The following ACSS1 variants were observed in gnomAD, a reference collection of about 807,000 sequenced individuals.
The protein encoded by ACSS1 is acyl-CoA synthetase short chain family member 1.
Under a neutral mutation model 75.3 loss-of-function variants are expected in ACSS1, and 42 were observed. That is an observed-to-expected ratio of 0.56 (90% confidence interval 0.44 to 0.72). The LOEUF is 0.72. Among genes scored for constraint, ACSS1 ranks in the 30% least tolerant of loss-of-function variants. The probability of loss-of-function intolerance (pLI) is 0.00; values close to 1 mark genes in which losing one functional copy is unlikely to be tolerated. For synonymous variants in ACSS1, 380 were observed against 376.8 expected (o/e 1.01, Z -0.10); for missense variants, 782 against 935.7 (o/e 0.84, Z 2.14).
chr20:25,012,950 G>A lies in ACSS1; in HGVS notation c.1580-11C>T, dbSNP rs201061909. On this transcript the variant is annotated splice_polypyrimidine_tract_variant and intron_variant, in intron 10 of 13. Transcript: ENST00000323482. ...CAGTGAAGTAATAGCCTGCACCACA[G>A]CAGGGAAATTCAGCACCAGGAACCC... 5.3e-4 allele frequency: 852 copies of A among 1,614,156 alleles called. No homozygotes were observed. The highest frequency in any genetic ancestry group is 6.2e-4 in the Non-Finnish European group (726 of 1,180,016).
At chr20:25,027,060 T>C (rs935110812) in intron 3 of ACSS1, among the ~76,000 whole-genome samples, 3 of 152,246 alleles carry the variant, frequency 2.0e-5, no homozygotes, top group African/African-American at 7.2e-5. Flanking sequence ...GCATCAACTA[T>C]GGCAGCAGAA....
intron 1 of ACSS1, among the ~76,000 whole-genome samples, chr20:25,055,527 G>C (rs4815365): frequency 0.037 from 5,580 of 152,160 alleles, 139 homozygotes; most frequent in African/African-American, 0.071. Context: ...GGTTTGAGGC[G>C]TACAGGCCAG....
chr20:25,016,159 C>T (rs74762961), intron 7 of ACSS1, among the ~76,000 whole-genome samples: 1,941 of 152,202 alleles, frequency 0.013, 21 homozygotes, highest in Middle Eastern at 0.024. Context: ...TGAAGCATGA[C>T]GCTGGGCAAG....
intron 2 of ACSS1, among the ~76,000 whole-genome samples, chr20:25,031,852 A>G (rs190336459): frequency 3.9e-5 from 6 of 152,208 alleles, no homozygotes; most frequent in East Asian, 1.9e-4. Context: ...ATCTCATAAG[A>G]CATTTAGTCG....
Position 25,007,342 on chromosome 20 carries a change from A to AAAAT in ACSS1, c.*416_*419dup. The stretch of plus-strand genomic sequence containing the variant: ...TGTTCTTCCACAATATAAAAGTATA[A>AAAAT]AAATAAGATTTCTGACCTTTGTATC... On this transcript the variant is annotated 3_prime_UTR_variant, in exon 14 of 14. Coordinates refer to ENST00000323482, the MANE Select transcript of ACSS1 (RefSeq NM_032501.4). The AAAAT allele has an allele frequency of 9.3e-7, 1 of 1,072,838 alleles. No homozygotes were observed. The highest frequency in any genetic ancestry group is 1.1e-6 in the Non-Finnish European group (1 of 885,174). 66.5% of individuals were successfully genotyped at this position (1,072,838 alleles called of 1,614,324 possible). A position where few individuals can be genotyped will look rare whatever the true frequency, so the allele number is the denominator to read the frequency against.
At chr20:25,029,236 T>C (rs1201937168) in intron 3 of ACSS1, among the ~76,000 whole-genome samples, 1 of 152,158 alleles carries the variant, frequency 6.6e-6, no homozygotes, top group Non-Finnish European at 1.5e-5. Context: ...GTAGACTTTG[T>C]CCAGTGAAAA....
intron 3 of ACSS1, among the ~76,000 whole-genome samples, chr20:25,029,493 AT>A (rs1212601082): frequency 6.6e-6 from 1 of 152,218 alleles, no homozygotes; most frequent in African/African-American, 2.4e-5. Context: ...GAATTACCAC[AT>A]GAGTCAGCAA....
chr20:25,012,905 A>C lies in ACSS1; in HGVS notation c.1614T>G (p.Thr538=), dbSNP rs763619288. The C allele has an allele frequency of 6.2e-6, 10 of 1,614,214 alleles. No individual in the cohort carries two copies. The highest frequency in any genetic ancestry group is 7.6e-6 in the Non-Finnish European group (9 of 1,180,042). ...YYFTGDGAYR[T]EGGYYQITGR... is the part of the protein sequence containing the mutation. ...CTGTGATCTGGTAATAGCCGCCCTC[A>C]GTTCGGTAAGCCCCGTCTCCAGTGA... Residue 538 remains threonine, a synonymous_variant, in exon 11 of 14, where the codon ACT becomes ACG. Transcript: ENST00000323482.
chr20:25,045,931 T>A lies in ACSS1; in HGVS notation c.431+2154A>T, dbSNP rs200876399. 6 of 152,186 alleles carry A rather than the reference T, an allele frequency of 3.9e-5. No individual in the cohort carries two copies. In the East Asian group the frequency reaches 1.2e-3, roughly 29 times the overall value. 9.4% of individuals were successfully genotyped at this position (152,186 alleles called of 1,614,324 possible). On this transcript the variant is annotated intron_variant, in intron 2 of 13. Transcript: ENST00000323482. ...GAAGAAGTCAATTTATTTTTATTTT[T>A]ATTTTTATTTTTGAGATGGAGTCTG...
intron 3 of ACSS1, among the ~76,000 whole-genome samples, chr20:25,028,403 G>A (rs1308245134): frequency 6.6e-6 from 1 of 152,156 alleles, no homozygotes; most frequent in Non-Finnish European, 1.5e-5. Context: ...GATAATAATA[G>A]ATACATAGGT....
At chr20:25,013,823 C>A in intron 9 of ACSS1, 138 bp downstream of exon 9, 4 of 1,317,956 alleles carry the variant, frequency 3.0e-6, no homozygotes, top group Non-Finnish European at 4.2e-6. Flanking sequence ...GTGCATGATA[C>A]CAGCTGCAGT....
Position 25,013,956 on chromosome 20 carries a change from C to T in ACSS1, c.1452+5G>A, listed in dbSNP as rs187165890. ...GACCCCCATGTGGGGGAGGCCCATA[C>T]ACACCTTCTCATCCATGAGGACGGG... On this transcript the variant is annotated splice_donor_5th_base_variant and intron_variant, in intron 9 of 13. Transcript: ENST00000323482. 8,559 of 1,612,526 alleles carry T rather than the reference C, an allele frequency of 5.3e-3. 31 individuals carry two copies. The highest frequency in any genetic ancestry group is 6.4e-3 in the Non-Finnish European group (7,586 of 1,179,170).
chr20:25,023,267 TTG>T (rs1354384617), intron 4 of ACSS1, among the ~76,000 whole-genome samples, 175 bp from the exon 5 acceptor site: 1 of 152,184 alleles, frequency 6.6e-6, no homozygotes, highest in East Asian at 1.9e-4. Context: ...GTGCAAGCAT[TTG>T]TGTTACAGTA....
chr20:25,006,734 C>A lies in ACSS1; in HGVS notation c.*1028G>T. 1 of 1,324,236 alleles carries A rather than the reference C, an allele frequency of 7.6e-7. No homozygotes were observed. Among genetic ancestry groups the A allele is most frequent in the South Asian group, 1.4e-5 (1 of 71,460 alleles). The allele number at this position is 1,324,236 out of a possible 1,614,324, so 82.0% of individuals were successfully genotyped here. ...TTGCTAATGTTGACAGCACCTAAGT[C>A]ACATTAAAACAAAGAGAGACTGGAT... On this transcript the variant is annotated 3_prime_UTR_variant, in exon 14 of 14. Transcript: ENST00000323482.
At chr20:25,016,478 G>C (rs1393515564) in intron 7 of ACSS1, among the ~76,000 whole-genome samples, 2 of 152,230 alleles carry the variant, frequency 1.3e-5, no homozygotes, top group Non-Finnish European at 2.9e-5. Flanking sequence ...CACTCAGCCA[G>C]AACTCACCAG....
Position 25,007,588 on chromosome 20 carries a change from A to G in ACSS1, c.*174T>C, listed in dbSNP as rs369431179. On this transcript the variant is annotated 3_prime_UTR_variant, in exon 14 of 14. Transcript: ENST00000323482. The stretch of plus-strand genomic sequence containing the variant: ...ATGGGTGACACTCCTGGGACCTCCA[A>G]TGGATGGGAGAAAGGGCTCTCAGCC... The G allele has an allele frequency of 4.8e-6, 7 of 1,453,176 alleles. No homozygotes were observed. In the South Asian group the frequency reaches 1.0e-4, roughly 21 times the overall value. 90.0% of individuals were successfully genotyped at this position (1,453,176 alleles called of 1,614,324 possible).
chr20:25,046,837 C>T (rs375953215), intron 2 of ACSS1: 2 of 779,658 alleles, frequency 2.6e-6, no homozygotes, highest in African/African-American at 3.4e-5. Flanking sequence ...AAGAATGCTG[C>T]TGGCCTATGG....
At chr20:25,056,342 T>G (rs921419262) in intron 1 of ACSS1, among the ~76,000 whole-genome samples, 1 of 152,090 alleles carries the variant, frequency 6.6e-6, no homozygotes, top group Admixed American at 6.5e-5. Context: ...AAGGGTTTGG[T>G]TTTTTTCCCA....
rs2088848265 is a variant in ACSS1 at position 25,032,729 on chromosome 20, G to A, written c.432-1771C>T. The A allele has an allele frequency of 9.8e-6, 11 of 1,118,660 alleles. No individual in the cohort carries two copies. In the South Asian group the frequency reaches 4.0e-4, roughly 41 times the overall value. 69.3% of individuals were successfully genotyped at this position (1,118,660 alleles called of 1,614,324 possible). A position where few individuals can be genotyped will look rare whatever the true frequency, so the allele number is the denominator to read the frequency against. On this transcript the variant is annotated intron_variant, in intron 2 of 13. Coordinates refer to ENST00000323482, the MANE Select transcript of ACSS1 (RefSeq NM_032501.4). ...GCTCCCGAGAACAGTGAAGCTCAAC[G>A]AGGCCACCCGGGAAACCACAGCAGA...
Sources: gnomAD v4.1 joint callset for allele counts (sites outside exome capture counted in the v4.1 genomes callset) on GRCh38, gnomAD v4.1.1 for gene constraint, MANE v1.5 for transcripts, NCBI Gene and HGNC (gene_info 2026-07-23, HGNC 2026-07-21) for gene names.